PITRM1: variants seen among roughly 807,000 people sequenced by gnomAD.
PITRM1 encodes the protein pitrilysin metallopeptidase 1.
Under a neutral mutation model 129.9 loss-of-function variants are expected in PITRM1, and 100 were observed. The ratio of observed to expected loss-of-function variants is 0.77; its 90% confidence interval spans 0.65 to 0.91. The LOEUF is 0.91. Ranked by LOEUF, PITRM1 falls within the 40% of genes least tolerant of loss-of-function variation. The pLI is 0.00. For synonymous variants in PITRM1, 591 were observed against 508.8 expected (o/e 1.16, Z -2.17); for missense variants, 1,471 against 1,318.3 (o/e 1.12, Z -1.79).
At chr10:3,138,212 T>C in intron 26 of PITRM1, 23 bp downstream of exon 26, 2 of 1,599,720 alleles carry the variant, frequency 1.3e-6, no homozygotes, top group South Asian at 2.2e-5. Context: ...TCCCAGACGC[T>C]GTCTCCCCCG....
intron 21 of PITRM1, chr10:3,145,357 A>C (rs1052734256): frequency 2.0e-6 from 1 of 495,310 alleles, no homozygotes; most frequent in African/African-American, 2.0e-5. Context: ...TACTCACTGC[A>C]AGGCACAGAA....
Position 3,138,000 on chromosome 10 carries a change from G to A in PITRM1, c.*31C>T, listed in dbSNP as rs191177337. ...ATTCAGCTCGGAGGTGTATTGTCTC[G>A]GGCTCCTGTGCAGTCGAGCGCCACG... On this transcript the variant is annotated 3_prime_UTR_variant, in exon 27 of 27. Transcript: ENST00000224949. The A allele has an allele frequency of 1.1e-4, 139 of 1,291,418 alleles. No homozygotes were observed. In the Middle Eastern group the frequency reaches 1.1e-3, roughly 11 times the overall value. 80.0% of individuals were successfully genotyped at this position (1,291,418 alleles called of 1,614,324 possible).
At chr10:3,164,878 T>A (rs1842733610) in intron 6 of PITRM1, among the ~76,000 whole-genome samples, 1 of 152,232 alleles carries the variant, frequency 6.6e-6, no homozygotes, top group South Asian at 2.1e-4. Flanking sequence ...ATTTGCTCTG[T>A]ATGCAGCTCG....
At chr10:3,168,302 C>T (rs1023346948) in intron 2 of PITRM1, among the ~76,000 whole-genome samples, 1 of 152,190 alleles carries the variant, frequency 6.6e-6, no homozygotes, top group East Asian at 1.9e-4. Flanking sequence ...AACAGATGAT[C>T]AATGCTTTTG....
chr10:3,144,610 C>T (rs1351941833), intron 21 of PITRM1, among the ~76,000 whole-genome samples: 1 of 152,060 alleles, frequency 6.6e-6, no homozygotes, highest in Non-Finnish European at 1.5e-5. Context: ...TGAGACCAGC[C>T]TGGGCAATGT....
At chr10:3,143,872 T>C (rs1270792835) in intron 22 of PITRM1, 2 of 539,660 alleles carry the variant, frequency 3.7e-6, no homozygotes, top group Non-Finnish European at 7.0e-6. Context: ...GTTAAATCAC[T>C]CTACTCCACA....
rs1018302110 is a variant in PITRM1 at position 3,172,734 on chromosome 10, C to A, written c.39G>T (p.Leu13=). ...RCGGRQGLCV[L]RRLSGGHAHH... is the part of the protein sequence containing the mutation. Reference sequence around the variant, plus strand: ...CGTCTCACCCGCCGCTCAGCCGCCTCAGCACACACAGGCCCTGCCGCCCGC... The same window carrying A: ...CGTCTCACCCGCCGCTCAGCCGCCTAAGCACACACAGGCCCTGCCGCCCGC... The change falls in exon 1 of 27, where the codon CTG becomes CTT. Residue 13 remains leucine (L), a synonymous_variant. Coordinates refer to ENST00000224949, the MANE Select transcript of PITRM1 (RefSeq NM_014889.4). The A allele has an allele frequency of 6.5e-7, 1 of 1,545,272 alleles. No homozygotes were observed. Among genetic ancestry groups the A allele is most frequent in the South Asian group, 1.2e-5 (1 of 83,684 alleles).
At chr10:3,139,092 G>T in intron 24 of PITRM1, 43 bp from the exon 25 acceptor site, 6 of 1,561,708 alleles carry the variant, frequency 3.8e-6, no homozygotes, top group Non-Finnish European at 5.3e-6. Flanking sequence ...TTTTACCAGT[G>T]GACAAGTTTA....
At chr10:3,143,810 T>C in intron 22 of PITRM1, 1 of 614,532 alleles carries the variant, frequency 1.6e-6, no homozygotes, top group Middle Eastern at 2.6e-4. Flanking sequence ...CTACGCCGTT[T>C]ATATCACAGT....
chr10:3,138,176 G>T, intron 26 of PITRM1, 52 bp from the exon 27 acceptor site: 1 of 1,572,668 alleles, frequency 6.4e-7, no homozygotes, highest in East Asian at 2.2e-5. Flanking sequence ...CGTGAGCGCT[G>T]TTAGAGTCAG....
intron 3 of PITRM1, 90 bp from the exon 4 acceptor site, chr10:3,166,470 A>G: frequency 1.5e-6 from 1 of 677,568 alleles, no homozygotes; most frequent in Non-Finnish European, 2.4e-6. Context: ...GGCTACTAGA[A>G]ATCATCATTC....
Position 3,141,148 on chromosome 10 carries a change from C to A in PITRM1, c.2646-336G>T, listed in dbSNP as rs543439552. ...TAGAGGCAGGGTCTAGCTTTGTTGC[C>A]CAGGCTGGTCTCAAACACCTGGCTT... On this transcript the variant is annotated intron_variant, in intron 23 of 26. Coordinates refer to ENST00000224949, the MANE Select transcript of PITRM1 (RefSeq NM_014889.4). Among the ~76,000 whole-genome samples, 4 of 152,278 alleles carry A rather than the reference C, an allele frequency of 2.6e-5. No homozygotes were observed. In the East Asian group the frequency reaches 7.7e-4, roughly 29 times the overall value.
At position 3,165,489 on chromosome 10, in the gene PITRM1, G is replaced by C; in HGVS notation, c.457C>G (p.Pro153Ala). 6.2e-7 allele frequency: 1 copy of C among 1,612,888 alleles called. No homozygotes were observed. The highest frequency in any genetic ancestry group is 1.1e-5 in the South Asian group (1 of 90,892). The part of the protein sequence containing the change: ...YTLYPFSTQN[P>A]KDFQNLLSVY... ...GAGAGGAGATTCTGAAAGTCCTTGG[G>C]ATTTTGTGTGGAAAATGGATACAGA... Residue 153 changes from proline to alanine, a missense_variant, in exon 5 of 27, where the codon CCC becomes GCC. Physicochemically the swap from Pro to Ala is conservative, Grantham distance 27. Transcript: ENST00000224949.
chr10:3,152,062 AT>A (rs1841573424), intron 14 of PITRM1, among the ~76,000 whole-genome samples: 3 of 151,884 alleles, frequency 2.0e-5, no homozygotes, highest in African/African-American at 7.3e-5. Flanking sequence ...CTTGTTTTCT[AT>A]TGTTTCATTT....
intron 4 of PITRM1, 52 bp downstream of exon 4, chr10:3,166,177 G>A (rs1452262033): frequency 2.1e-6 from 3 of 1,447,616 alleles, no homozygotes; most frequent in East Asian, 2.5e-5. Context: ...GAATTCCAGT[G>A]GGTGTGCCTG....
chr10:3,157,537 G>C lies in PITRM1; in HGVS notation c.1251-6C>G, dbSNP rs1437924364. On this transcript the variant is annotated splice_polypyrimidine_tract_variant and splice_region_variant and intron_variant, in intron 11 of 26. Transcript: ENST00000224949. ...GATCATCTTCAAATCCTTTCCTAAA[G>C]AATACAATGAAGAACAAAGATGGGC... is the stretch of plus-strand genomic sequence containing the variant. The C allele has an allele frequency of 6.5e-7, 1 of 1,548,820 alleles. No homozygotes were observed.
rs755413136 is a variant in PITRM1, at chr10:3,159,918, A to G, written c.937T>C (p.Cys313Arg). The change falls in exon 9 of 27, where the codon TGT (cysteine) becomes CGT (arginine). Residue 313 changes from cysteine (C) to arginine (R), a missense_variant. By Grantham distance (180) the Cys-to-Arg change is radical. Coordinates refer to ENST00000224949, the MANE Select transcript of PITRM1 (RefSeq NM_014889.4). ...WDKPREFQITCGPDSFATDPS... is the reference protein window; with the variant it reads ...WDKPREFQITRGPDSFATDPS... ...TCTGTAGCAAATGAATCCGGGCCAC[A>G]TGTTATCTGGAATTCCCTCTGTAAA... is the stretch of plus-strand genomic sequence containing the variant. 1.9e-6 allele frequency: 3 copies of G among 1,601,194 alleles called. No individual in the cohort carries two copies. The highest frequency in any genetic ancestry group is 2.6e-6 in the Non-Finnish European group (3 of 1,172,734).
intron 4 of PITRM1, 96 bp from the exon 5 acceptor site, chr10:3,165,623 A>G: frequency 5.3e-6 from 4 of 757,444 alleles, no homozygotes; most frequent in South Asian, 3.3e-5. Context: ...CTAGGACAGT[A>G]AGCTGTAGCT....
chr10:3,158,781 G>A (rs893121500), intron 10 of PITRM1, 133 bp downstream of exon 10: 10 of 816,626 alleles, frequency 1.2e-5, no homozygotes, highest in African/African-American at 8.6e-5. Context: ...GCCATCTTCC[G>A]ATTATAGCAA....
Sources: allele counts gnomAD v4.1 joint callset (sites outside exome capture counted in the v4.1 genomes callset), GRCh38; gene constraint gnomAD v4.1.1; transcripts MANE v1.5; gene names NCBI Gene and HGNC (gene_info 2026-07-23, HGNC 2026-07-21).